The following ZNF131 variants were observed in gnomAD, a reference collection of about 807,000 sequenced individuals.
ZNF131 encodes zinc finger and BTB domain containing 35, also known as zinc finger protein 131.
In ZNF131, 7 loss-of-function variants were observed where a neutral mutation model predicts 60.0. That is an observed-to-expected ratio of 0.12 (90% CI 0.07 to 0.22). The LOEUF (loss-of-function observed/expected upper bound fraction) is 0.22, where lower values mean the gene tolerates loss of function less well. Ranked by LOEUF, ZNF131 falls within the 10% of genes least tolerant of loss-of-function variation. The pLI is 1.00. For missense variants in ZNF131, 493 were observed against 740.9 expected (o/e 0.67, Z 3.88); for synonymous variants, 257 against 253.2 (o/e 1.01, Z -0.14).
intron 5 of ZNF131, among the ~76,000 whole-genome samples, chr5:43,169,870 A>G (rs1190240542): frequency 6.6e-6 from 1 of 151,162 alleles, no homozygotes; most frequent in African/African-American, 2.4e-5. Context: ...GGCTCACTGC[A>G]ACCTCCGTCT....
At chr5:43,136,474 T>G in intron 3 of ZNF131, among the ~76,000 whole-genome samples, 1 of 124,368 alleles carries the variant, frequency 8.0e-6, no homozygotes, top group African/African-American at 3.0e-5. Context: ...AGAGGCATCA[T>G]ACTTTTTTTT....
At chr5:43,167,079 A>G (rs953571336) in intron 5 of ZNF131, among the ~76,000 whole-genome samples, 1 of 152,212 alleles carries the variant, frequency 6.6e-6, no homozygotes. Flanking sequence ...GGAAGAGAGA[A>G]AAGCTGGTTG....
chr5:43,130,079 A>G (rs981444737), intron 3 of ZNF131, among the ~76,000 whole-genome samples: 34 of 151,534 alleles, frequency 2.2e-4, no homozygotes, highest in African/African-American at 7.2e-4. Context: ...CAGCCTGGGC[A>G]ACACGGTGAA....
chr5:43,148,074 A>C (rs1747847044), intron 4 of ZNF131, among the ~76,000 whole-genome samples: 1 of 150,890 alleles, frequency 6.6e-6, no homozygotes, highest in African/African-American at 2.4e-5. Context: ...GGAAAAAAGA[A>C]AAAAGTAGTT....
intron 4 of ZNF131, among the ~76,000 whole-genome samples, chr5:43,152,044 C>T (rs778289051): frequency 9.2e-5 from 14 of 151,610 alleles, no homozygotes; most frequent in Admixed American, 3.9e-4. Context: ...CCCGCTCTGT[C>T]GCCCAGGCTG....
chr5:43,123,297 G>C lies in ZNF131; in HGVS notation c.213G>C (p.Leu71Phe). Residue 71 changes from leucine to phenylalanine, a missense_variant, in exon 3 of 7, where the codon TTG becomes TTC. Transcript: ENST00000682664. ...KFFQEFTQEP[L>F]VEIEGVSKMA... Reference sequence around the variant, plus strand: ...TTCAGGAGTTTACCCAAGAACCATTGGTGGAGATAGAAGGTAAATGATTCT... The same window carrying C: ...TTCAGGAGTTTACCCAAGAACCATTCGTGGAGATAGAAGGTAAATGATTCT... 6.2e-7 allele frequency: 1 copy of C among 1,605,052 alleles called. No homozygotes were observed. The highest frequency in any genetic ancestry group is 8.5e-7 in the Non-Finnish European group (1 of 1,177,492).
chr5:43,175,030 A>G lies in ZNF131; in HGVS notation c.1769A>G (p.Glu590Gly), dbSNP rs1579934482. 1.2e-6 allele frequency: 2 copies of G among 1,614,168 alleles called. No homozygotes were observed. Among genetic ancestry groups the G allele is most frequent in the Non-Finnish European group, 1.7e-6 (2 of 1,180,026 alleles). The stretch of plus-strand genomic sequence containing the variant: ...GCAGATGCTGCTGAGGCTGCCAGGG[A>G]AGATCACGAAGATGCTGAGGATTTA... ...SQADAAEAAR[E>G]DHEDAEDLET... Residue 590 changes from glutamate to glycine, a missense_variant, in exon 7 of 7, where the codon GAA (glutamate) becomes GGA (glycine). Transcript: ENST00000682664.
chr5:43,144,408 T>C (rs544030978), intron 4 of ZNF131, among the ~76,000 whole-genome samples: 1 of 152,128 alleles, frequency 6.6e-6, no homozygotes. Flanking sequence ...TTTTTTACTT[T>C]TGGTAGAGTC....
Position 43,170,372 on chromosome 5 carries a change from A to G in ZNF131, c.1055-2946A>G, listed in dbSNP as rs782986. On this transcript the variant is annotated intron_variant, in intron 5 of 6. Transcript: ENST00000682664. ...CATTCTATTTAAGCGTGAGGCTCAC[A>G]TCTAGGACCTCCTCATTACTGGGGC... is the stretch of plus-strand genomic sequence containing the variant. Among the ~76,000 whole-genome samples, 346 of 152,314 alleles carry G rather than the reference A, an allele frequency of 2.3e-3. 3 individuals are homozygous for G. Among genetic ancestry groups the G allele is most frequent in the African/African-American group, 8.0e-3 (334 of 41,564 alleles).
intron 4 of ZNF131, among the ~76,000 whole-genome samples, chr5:43,150,338 C>T (rs1223745941): frequency 2.0e-5 from 3 of 152,194 alleles, no homozygotes; most frequent in Non-Finnish European, 2.9e-5. Context: ...AAATAAAAGG[C>T]TCTCAATGTC....
chr5:43,149,803 CT>C (rs55674525), intron 4 of ZNF131, among the ~76,000 whole-genome samples: 2 of 151,858 alleles, frequency 1.3e-5, no homozygotes, highest in African/African-American at 4.8e-5. Context: ...TTTTAATCGG[CT>C]TTTTTGCCAT....
At chr5:43,151,401 A>G (rs2111743220) in intron 4 of ZNF131, among the ~76,000 whole-genome samples, 1 of 152,274 alleles carries the variant, frequency 6.6e-6, no homozygotes. Context: ...GGTCTCTTAT[A>G]ACCACCTCTT....
At chr5:43,173,543 A>G in intron 6 of ZNF131, 95 bp downstream of exon 6, 1 of 1,434,600 alleles carries the variant, frequency 7.0e-7, no homozygotes, top group South Asian at 1.5e-5. Flanking sequence ...GCAAAGGTAT[A>G]GGGGCTGACG....
chr5:43,131,191 T>C (rs1214938462), intron 3 of ZNF131, among the ~76,000 whole-genome samples: 6 of 151,256 alleles, frequency 4.0e-5, no homozygotes, highest in African/African-American at 1.2e-4. Flanking sequence ...TTTTTTATTT[T>C]GAGATGGAGT....
At position 43,160,251 on chromosome 5, in the gene ZNF131, C is replaced by G. The variant is rs144995215; in HGVS notation, c.372-998C>G. ...GGCACAGTAGCTCATGTCTGTAATC[C>G]TAGTACTCTGGGAGGCCGAGGCAGG... On this transcript the variant is annotated intron_variant, in intron 4 of 6. Transcript: ENST00000682664. 1.7e-3 allele frequency among the ~76,000 whole-genome samples: 260 copies of G among 151,942 alleles called. 1 individual carries two copies. Among genetic ancestry groups the G allele is most frequent in the African/African-American group, 6.0e-3 (248 of 41,476 alleles).
At chr5:43,167,201 A>C (rs897942221) in intron 5 of ZNF131, among the ~76,000 whole-genome samples, 13 of 152,234 alleles carry the variant, frequency 8.5e-5, no homozygotes, top group African/African-American at 3.1e-4. Context: ...CACTGATCAC[A>C]GATCATTATA....
At chr5:43,130,396 A>T (rs1010831013) in intron 3 of ZNF131, among the ~76,000 whole-genome samples, 2 of 152,062 alleles carry the variant, frequency 1.3e-5, no homozygotes, top group African/African-American at 4.8e-5. Context: ...ATTTTGTGAA[A>T]TGAGTAATAT....
At chr5:43,137,225 A>G (rs1171387310) in intron 3 of ZNF131, among the ~76,000 whole-genome samples, 1 of 152,126 alleles carries the variant, frequency 6.6e-6, no homozygotes, top group East Asian at 1.9e-4. Context: ...CATCAAACTA[A>G]AAAGCTTCTG....
chr5:43,148,937 T>C (rs1315931752), intron 4 of ZNF131, among the ~76,000 whole-genome samples: 1 of 152,224 alleles, frequency 6.6e-6, no homozygotes, highest in African/African-American at 2.4e-5. Flanking sequence ...TTTATGTGCA[T>C]GTAATAGTAT....
Sources: gnomAD v4.1 joint callset for allele counts (sites outside exome capture counted in the v4.1 genomes callset) on GRCh38, gnomAD v4.1.1 for gene constraint, MANE v1.5 for transcripts, NCBI Gene and HGNC (gene_info 2026-07-23, HGNC 2026-07-21) for gene names.